The following SGCZ variants were observed in gnomAD, a reference collection of about 807,000 sequenced individuals.
SGCZ encodes the protein zeta-sarcoglycan.
SGCZ carries 40 observed loss-of-function variants against 41.3 expected under a neutral mutation model. That is an observed-to-expected ratio of 0.97 (90% CI 0.75 to 1.26). The LOEUF is 1.26. SGCZ is among the 50% of genes most tolerant of loss of function. SGCZ has a pLI of 0.00. For synonymous variants in SGCZ, 206 were observed against 137.5 expected (o/e 1.50, Z -3.49); for missense variants, 552 against 369.8 (o/e 1.49, Z -4.04).
At chr8:14,757,699 T>C (rs1035986434) in intron 1 of SGCZ, among the ~76,000 whole-genome samples, 1 of 152,216 alleles carries the variant, frequency 6.6e-6, no homozygotes, top group Non-Finnish European at 1.5e-5. Context: ...TCACAAAGAA[T>C]TGACCTTCCA....
intron 1 of SGCZ, among the ~76,000 whole-genome samples, chr8:15,207,657 G>T (rs12542763): frequency 3.3e-5 from 5 of 151,870 alleles, no homozygotes; most frequent in Admixed American, 2.6e-4. Context: ...GGAAAAAAAG[G>T]GTTGTTGAAA....
At chr8:15,190,181 A>G (rs1030598110) in intron 1 of SGCZ, among the ~76,000 whole-genome samples, 2 of 152,172 alleles carry the variant, frequency 1.3e-5, no homozygotes, top group African/African-American at 4.8e-5. Flanking sequence ...CACCAACGGC[A>G]AAATCCTTGG....
At chr8:14,961,496 C>A (rs1208420986) in intron 1 of SGCZ, among the ~76,000 whole-genome samples, 1 of 151,868 alleles carries the variant, frequency 6.6e-6, no homozygotes, top group Non-Finnish European at 1.5e-5. Flanking sequence ...GAGAGAGATC[C>A]CATTCACATA....
chr8:15,033,505 C>T (rs757644769), intron 1 of SGCZ, among the ~76,000 whole-genome samples: 2 of 152,026 alleles, frequency 1.3e-5, no homozygotes, highest in Admixed American at 6.6e-5. Flanking sequence ...ACCTGTGTGA[C>T]CCCCCTGGAC....
chr8:14,829,378 A>G (rs1424333588), intron 1 of SGCZ, among the ~76,000 whole-genome samples: 1 of 152,174 alleles, frequency 6.6e-6, no homozygotes, highest in Non-Finnish European at 1.5e-5. Context: ...CCCTTACAAA[A>G]GTGTCTTGAA....
At chr8:14,517,144 C>A (rs763108179) in intron 2 of SGCZ, among the ~76,000 whole-genome samples, 2 of 151,956 alleles carry the variant, frequency 1.3e-5, no homozygotes, top group African/African-American at 2.4e-5. Flanking sequence ...TAAGTCCTGC[C>A]TTCAGATCAT....
At chr8:15,163,956 C>T (rs1192484358) in intron 1 of SGCZ, among the ~76,000 whole-genome samples, 1 of 152,230 alleles carries the variant, frequency 6.6e-6, no homozygotes, top group Non-Finnish European at 1.5e-5. Flanking sequence ...AGGACGTTTA[C>T]AGGGGAAGGA....
chr8:14,626,035 G>A (rs1356992855), intron 1 of SGCZ, among the ~76,000 whole-genome samples: 2 of 152,186 alleles, frequency 1.3e-5, no homozygotes, highest in Non-Finnish European at 2.9e-5. Flanking sequence ...GCAGACATAT[G>A]AGGAATAGTG....
At chr8:14,393,624 C>T (rs1266815236) in intron 2 of SGCZ, among the ~76,000 whole-genome samples, 2 of 151,884 alleles carry the variant, frequency 1.3e-5, no homozygotes, top group African/African-American at 2.4e-5. Context: ...ACTGAGAGAC[C>T]TTTTTCTCCA....
chr8:14,240,099 G>A (rs1447045721), intron 3 of SGCZ, among the ~76,000 whole-genome samples: 1 of 151,700 alleles, frequency 6.6e-6, no homozygotes, highest in Non-Finnish European at 1.5e-5. Context: ...GGCTGAGGTG[G>A]GAGGATCACC....
intron 1 of SGCZ, among the ~76,000 whole-genome samples, chr8:14,755,378 T>C (rs1799629533): frequency 6.6e-6 from 1 of 152,140 alleles, no homozygotes; most frequent in African/African-American, 2.4e-5. Flanking sequence ...GGAACATAAA[T>C]CCAAATGAAC....
At chr8:15,156,369 G>T (rs529681620) in intron 1 of SGCZ, among the ~76,000 whole-genome samples, 2 of 152,236 alleles carry the variant, frequency 1.3e-5, no homozygotes, top group East Asian at 3.9e-4. Flanking sequence ...AACCTTGAGG[G>T]ATTTAATGGC....
intron 1 of SGCZ, among the ~76,000 whole-genome samples, chr8:14,652,628 T>C (rs1310211836): frequency 6.6e-6 from 1 of 152,008 alleles, no homozygotes; most frequent in East Asian, 1.9e-4. Flanking sequence ...AACTAACCTA[T>C]TAAAAGTTCA....
At chr8:14,757,351 C>T (rs1799711565) in intron 1 of SGCZ, among the ~76,000 whole-genome samples, 1 of 152,182 alleles carries the variant, frequency 6.6e-6, no homozygotes, top group Admixed American at 6.5e-5. Context: ...GCCCAGCTTT[C>T]AACTGTCTTT....
rs1015090863 is a variant in SGCZ at position 14,788,462 on chromosome 8, C to T, written c.40-233536G>A. Among the ~76,000 whole-genome samples, 8 of 152,204 alleles carry T rather than the reference C, an allele frequency of 5.3e-5. No homozygotes were observed. In the East Asian group the frequency reaches 1.5e-3, roughly 29 times the overall value. On this transcript the variant is annotated intron_variant, in intron 1 of 7. Transcript: ENST00000382080. Reference sequence around the variant, plus strand: ...AAAAAGTGGAAGATACTTTGTTAACCGTGAAATTTTGTTGGGGCAGCTATT... The same window carrying T: ...AAAAAGTGGAAGATACTTTGTTAACTGTGAAATTTTGTTGGGGCAGCTATT...
chr8:14,943,977 C>G (rs1800361988), intron 1 of SGCZ, among the ~76,000 whole-genome samples: 1 of 152,042 alleles, frequency 6.6e-6, no homozygotes, highest in Non-Finnish European at 1.5e-5. Context: ...CTACTGTGTT[C>G]TTCATACCAT....
intron 1 of SGCZ, among the ~76,000 whole-genome samples, chr8:14,841,773 C>T (rs1003188162): frequency 8.5e-5 from 13 of 152,114 alleles, no homozygotes; most frequent in Non-Finnish European, 1.6e-4. Context: ...TAAGGGACTT[C>T]AGAAATCATT....
intron 2 of SGCZ, among the ~76,000 whole-genome samples, chr8:14,376,250 G>T (rs1187992022): frequency 6.6e-6 from 1 of 152,142 alleles, no homozygotes; most frequent in African/African-American, 2.4e-5. Context: ...GGCGGAGGTT[G>T]CAGTGAGCCG....
At chr8:14,848,299 G>C (rs940061587) in intron 1 of SGCZ, among the ~76,000 whole-genome samples, 2 of 152,130 alleles carry the variant, frequency 1.3e-5, no homozygotes, top group Non-Finnish European at 2.9e-5. Context: ...TGGGTCCATA[G>C]TTTCAATTCA....
Sources: allele counts gnomAD v4.1 joint callset (sites outside exome capture counted in the v4.1 genomes callset), GRCh38; gene constraint gnomAD v4.1.1; transcripts MANE v1.5; gene names NCBI Gene and HGNC (gene_info 2026-07-23, HGNC 2026-07-21).